Variants in TBC1D14 observed in about 807,000 individuals in gnomAD.
TBC1D14 encodes TBC1 domain family member 14.
Under a neutral mutation model 79.0 loss-of-function variants are expected in TBC1D14, and 26 were observed. That is an observed-to-expected ratio of 0.33 (90% CI 0.24 to 0.46). The LOEUF (loss-of-function observed/expected upper bound fraction) is 0.46. Ranked by LOEUF, TBC1D14 falls within the 20% of genes least tolerant of loss-of-function variation. The probability of loss-of-function intolerance (pLI) is 1.00; values close to 1 mark genes in which losing one functional copy is unlikely to be tolerated. For synonymous variants in TBC1D14, 394 were observed against 349.9 expected (o/e 1.13, Z -1.40); for missense variants, 769 against 887.6 (o/e 0.87, Z 1.70).
chr4:6,931,415 G>A (rs139256340), intron 2 of TBC1D14, among the ~76,000 whole-genome samples: 27 of 152,288 alleles, frequency 1.8e-4, no homozygotes, highest in African/African-American at 6.3e-4. Context: ...GACCCGAGAC[G>A]TTTCTTTAAA....
chr4:6,987,260 C>A lies in TBC1D14; in HGVS notation c.844-6924C>A, dbSNP rs1717953078. 3.9e-6 allele frequency: 5 copies of A among 1,275,410 alleles called. No individual in the cohort carries two copies. In the South Asian group the frequency reaches 1.3e-4, roughly 33 times the overall value. 79.0% of individuals were successfully genotyped at this position (1,275,410 alleles called of 1,614,324 possible). A position where few individuals can be genotyped will look rare whatever the true frequency, so the allele number is the denominator to read the frequency against. ...GAGCCGCCGCGTCCGCCCGCCCGCC[C>A]GCGGTCCGGGAGGGAGGGAGGGAGG... On this transcript the variant is annotated intron_variant, in intron 3 of 13. Transcript: ENST00000409757.
chr4:6,959,518 C>T (rs1007376442), intron 2 of TBC1D14, among the ~76,000 whole-genome samples: 2 of 152,074 alleles, frequency 1.3e-5, no homozygotes, highest in African/African-American at 4.8e-5. Context: ...CTGCTGTTTC[C>T]AGCAGGGCCC....
intron 2 of TBC1D14, among the ~76,000 whole-genome samples, chr4:6,956,857 C>T (rs1278933757): frequency 3.3e-5 from 5 of 152,226 alleles, no homozygotes; most frequent in African/African-American, 9.6e-5. Context: ...AAGAGAGCCG[C>T]GGTTCCTCAC....
chr4:6,998,972 C>A, intron 5 of TBC1D14, 113 bp from the exon 6 acceptor site: 1 of 924,448 alleles, frequency 1.1e-6, no homozygotes, highest in Non-Finnish European at 1.7e-6. Flanking sequence ...GATGCTCGCT[C>A]TGCTTCAGGG....
intron 1 of TBC1D14, among the ~76,000 whole-genome samples, chr4:6,918,976 G>A (rs978151408): frequency 3.9e-5 from 6 of 152,152 alleles, no homozygotes; most frequent in Non-Finnish European, 4.4e-5. Flanking sequence ...AGGGTCTGCA[G>A]TAGCCCTGCC....
At chr4:6,973,849 A>AG (rs1281694783) in intron 3 of TBC1D14, among the ~76,000 whole-genome samples, 1 of 152,038 alleles carries the variant, frequency 6.6e-6, no homozygotes, top group Admixed American at 6.6e-5. Flanking sequence ...TTTGAGACAG[A>AG]GTCTCACTCT....
At chr4:6,985,201 A>G (rs923056156) in intron 3 of TBC1D14, among the ~76,000 whole-genome samples, 10 of 152,204 alleles carry the variant, frequency 6.6e-5, no homozygotes, top group African/African-American at 2.4e-4. Context: ...CTACATAACC[A>G]TGACTGTTAC....
At chr4:6,972,988 C>T (rs774109056) in intron 3 of TBC1D14, among the ~76,000 whole-genome samples, 1 of 152,098 alleles carries the variant, frequency 6.6e-6, no homozygotes, top group African/African-American at 2.4e-5. Context: ...GGATTGACGT[C>T]GTTGTTGGAA....
chr4:6,998,424 G>T (rs1296631626), intron 5 of TBC1D14, among the ~76,000 whole-genome samples: 2 of 152,240 alleles, frequency 1.3e-5, no homozygotes, highest in African/African-American at 4.8e-5. Context: ...ATTTGGAAGG[G>T]GATAGGGCTG....
chr4:6,982,669 A>G (rs1717484939), intron 3 of TBC1D14, among the ~76,000 whole-genome samples: 1 of 152,230 alleles, frequency 6.6e-6, no homozygotes, highest in South Asian at 2.1e-4. Context: ...CCTACAGATG[A>G]ATACGCATAT....
At chr4:6,967,507 G>A in intron 3 of TBC1D14, 83 bp downstream of exon 3, 1 of 1,531,366 alleles carries the variant, frequency 6.5e-7, no homozygotes, top group Non-Finnish European at 8.8e-7. Flanking sequence ...TGACCATATT[G>A]AGTCTGAAAC....
intron 3 of TBC1D14, among the ~76,000 whole-genome samples, chr4:6,972,473 C>T (rs537080720): frequency 2.8e-4 from 42 of 152,158 alleles, no homozygotes; most frequent in East Asian, 5.8e-4. Flanking sequence ...GCTGCCCGTT[C>T]GCCCACCTTT....
At chr4:6,924,978 G>T (rs548204360) in intron 2 of TBC1D14, among the ~76,000 whole-genome samples, 1 of 152,250 alleles carries the variant, frequency 6.6e-6, no homozygotes, top group East Asian at 1.9e-4. Flanking sequence ...GGGCACAGGG[G>T]CTGTGGAGAG....
chr4:6,989,482 C>G (rs1718263622), intron 3 of TBC1D14, among the ~76,000 whole-genome samples: 2 of 152,236 alleles, frequency 1.3e-5, no homozygotes, highest in South Asian at 4.1e-4. Flanking sequence ...GTCCACTCAG[C>G]TGGCCCCTTT....
intron 2 of TBC1D14, among the ~76,000 whole-genome samples, chr4:6,928,554 C>T (rs999729253): frequency 5.3e-5 from 8 of 152,032 alleles, no homozygotes; most frequent in South Asian, 4.1e-4. Flanking sequence ...ATGAGGGGGC[C>T]GGGTGCGGTG....
At chr4:6,956,488 G>A (rs779245653) in intron 2 of TBC1D14, among the ~76,000 whole-genome samples, 18 of 152,206 alleles carry the variant, frequency 1.2e-4, no homozygotes, top group Non-Finnish European at 2.6e-4. Flanking sequence ...TCCTGCGCAC[G>A]CGCCTACACA....
chr4:6,968,084 C>T, intron 3 of TBC1D14, among the ~76,000 whole-genome samples: 1 of 152,184 alleles, frequency 6.6e-6, no homozygotes, highest in Non-Finnish European at 1.5e-5. Flanking sequence ...TCTCAGCCGG[C>T]TCGGCATCCT....
intron 2 of TBC1D14, among the ~76,000 whole-genome samples, chr4:6,951,111 G>C (rs1237753216): frequency 6.6e-6 from 1 of 152,130 alleles, no homozygotes; most frequent in Non-Finnish European, 1.5e-5. Context: ...CCAACATGGT[G>C]AAACACCCTG....
chr4:6,999,198 A>G lies in TBC1D14; in HGVS notation c.1159A>G (p.Thr387Ala), dbSNP rs775359129. ...TAATGAGATCTTACCTAACTGGGAA[A>G]CAATGTAAGATGTGGCTCTGGGTGT... is the stretch of plus-strand genomic sequence containing the variant. ...WNNEILPNWE[T>A]MWCSRKVRDL... The change falls in exon 6 of 14, where the codon ACA (threonine) becomes GCA (alanine). Residue 387 changes from threonine to alanine, a missense_variant. Around this residue, in one of 2 missense-constraint regions of TBC1D14, gnomAD observed 367 missense variants for 494.4 expected, o/e 0.74. Coordinates refer to ENST00000409757, the MANE Select transcript of TBC1D14 (RefSeq NM_020773.3). The G allele has an allele frequency of 1.2e-5, 19 of 1,612,926 alleles. No homozygotes were observed. The South Asian group carries it at 1.6e-4, about 14-fold the overall frequency.
Sources: allele counts gnomAD v4.1 joint callset (sites outside exome capture counted in the v4.1 genomes callset), GRCh38; gene constraint gnomAD v4.1.1; regional missense constraint gnomAD v4.1.1; transcripts MANE v1.5; gene names NCBI Gene and HGNC (gene_info 2026-07-23, HGNC 2026-07-21).